HDAC9: variants seen among roughly 807,000 people sequenced by gnomAD.
HDAC9 encodes MEF-2 interacting transcription repressor (MITR) protein.
HDAC9 carries 41 observed loss-of-function variants against 139.4 expected under a neutral mutation model. That is an observed-to-expected ratio of 0.29 (90% CI 0.23 to 0.38). The LOEUF (loss-of-function observed/expected upper bound fraction) is 0.38, where lower values mean the gene tolerates loss of function less well. HDAC9 is among the 10% of genes least tolerant of loss of function. HDAC9 has a pLI of 1.00. For synonymous variants in HDAC9, 517 were observed against 476.2 expected, an observed-to-expected ratio of 1.09 and a Z score of -1.12; for missense variants, 1,147 against 1,297.0, an observed-to-expected ratio of 0.88 and a Z score of 1.78.
chr7:18,375,675 A>C (rs1784943378), intron 1 of HDAC9, among the ~76,000 whole-genome samples: 1 of 152,234 alleles, frequency 6.6e-6, no homozygotes, highest in South Asian at 2.1e-4. Flanking sequence ...GTAAGCCTAA[A>C]GCCCCAGTGT....
chr7:18,751,636 T>C (rs1788456856), intron 14 of HDAC9, among the ~76,000 whole-genome samples: 1 of 152,092 alleles, frequency 6.6e-6, no homozygotes, highest in African/African-American at 2.4e-5. Flanking sequence ...TAAAAATTAA[T>C]TCACTTTTAA....
rs545718636 is a variant in HDAC9 at position 18,654,019 on chromosome 7, G to A, written c.1467+5336G>A. On this transcript the variant is annotated intron_variant, in intron 11 of 25. Transcript: ENST00000686413. ...GTGTTAATGTGTTGCCTTGTGAAGT[G>A]TCCCTGAAGGCAGTTATAATGTAGA... Among the ~76,000 whole-genome samples, 3 of 152,186 alleles carry A rather than the reference G, an allele frequency of 2.0e-5. No homozygotes were observed. The East Asian group carries it at 5.8e-4, about 29-fold the overall frequency.
At chr7:18,346,845 G>T (rs1156615389) in intron 1 of HDAC9, among the ~76,000 whole-genome samples, 4 of 152,138 alleles carry the variant, frequency 2.6e-5, no homozygotes, top group Non-Finnish European at 5.9e-5. Flanking sequence ...GGAGCCAGAA[G>T]CTGAGAGTGC....
intron 1 of HDAC9, among the ~76,000 whole-genome samples, chr7:18,366,800 A>G (rs567011560): frequency 3.3e-5 from 5 of 152,208 alleles, no homozygotes; most frequent in African/African-American, 1.2e-4. Context: ...TCAGCTTGAA[A>G]TTCAAATGTA....
chr7:18,142,364 C>G (rs541552437), intron 1 of HDAC9, among the ~76,000 whole-genome samples: 1 of 152,326 alleles, frequency 6.6e-6, no homozygotes, highest in Non-Finnish European at 1.5e-5. Context: ...ACTTCTCCTG[C>G]TCATCCTTCT....
chr7:18,318,910 G>A (rs1379210090), intron 1 of HDAC9, among the ~76,000 whole-genome samples: 2 of 152,008 alleles, frequency 1.3e-5, no homozygotes, highest in African/African-American at 4.8e-5. Flanking sequence ...TCAAAGTCTC[G>A]CCCTGGGATC....
intron 1 of HDAC9, among the ~76,000 whole-genome samples, chr7:18,315,831 A>G (rs1799600918): frequency 6.6e-6 from 1 of 152,224 alleles, no homozygotes; most frequent in Non-Finnish European, 1.5e-5. Context: ...ACAGATCACA[A>G]GAGAGCCAGT....
intron 1 of HDAC9, among the ~76,000 whole-genome samples, chr7:18,406,388 C>CT (rs112277339): frequency 0.024 from 3,550 of 150,850 alleles, 145 homozygotes; most frequent in African/African-American, 0.081. Context: ...CTTTTTCTTT[C>CT]TTTTTTTTTA....
At chr7:18,667,471 G>A (rs1584792670) in intron 12 of HDAC9, 1 of 984,438 alleles carries the variant, frequency 1.0e-6, no homozygotes, top group Non-Finnish European at 1.2e-6. Flanking sequence ...AGAAAAGATA[G>A]GTTTAACAAA....
At chr7:18,752,270 C>T (rs944389238) in intron 14 of HDAC9, among the ~76,000 whole-genome samples, 4 of 152,016 alleles carry the variant, frequency 2.6e-5, no homozygotes, top group African/African-American at 4.8e-5. Flanking sequence ...TAGTTGAAAG[C>T]GCAAGAAGGG....
At chr7:18,866,746 C>T in intron 21 of HDAC9, among the ~76,000 whole-genome samples, 1 of 152,154 alleles carries the variant, frequency 6.6e-6, no homozygotes, top group East Asian at 1.9e-4. Context: ...AGCCAAAGTT[C>T]TGGTCCTATG....
intron 21 of HDAC9, among the ~76,000 whole-genome samples, chr7:18,864,818 A>G (rs1258765485): frequency 6.6e-6 from 1 of 151,670 alleles, no homozygotes; most frequent in African/African-American, 2.4e-5. Context: ...AAAGTTCTGG[A>G]GTTGGAACGG....
chr7:18,493,425 A>G (rs1158428054), upstream of HDAC9, among the ~76,000 whole-genome samples: 8 of 151,970 alleles, frequency 5.3e-5, no homozygotes, highest in Non-Finnish European at 1.0e-4. Flanking sequence ...GTGAGACTGG[A>G]TAATATAAAT....
intron 1 of HDAC9, chr7:18,087,345 A>G (rs1216747290): frequency 6.6e-6 from 1 of 151,780 alleles, no homozygotes; most frequent in African/African-American, 2.4e-5. Flanking sequence ...CTCAGTCCGG[A>G]CTCTGATGCC....
upstream of HDAC9, among the ~76,000 whole-genome samples, chr7:18,492,884 T>C (rs111396687): frequency 8.3e-3 from 1,268 of 152,078 alleles, 19 homozygotes; most frequent in African/African-American, 0.029. Context: ...GAGAAACAAG[T>C]GGGGTTTTTT....
At chr7:18,876,921 C>A (rs1297404157) in intron 22 of HDAC9, among the ~76,000 whole-genome samples, 11 of 151,890 alleles carry the variant, frequency 7.2e-5, no homozygotes. Flanking sequence ...AGGCTGGTCT[C>A]GAACTCCTGA....
chr7:18,403,110 ATCTT>A (rs1418382962), intron 1 of HDAC9, among the ~76,000 whole-genome samples: 1 of 152,210 alleles, frequency 6.6e-6, no homozygotes, highest in East Asian at 1.9e-4. Flanking sequence ...GATATAAAAT[ATCTT>A]TATTTACAGA....
At chr7:18,705,359 A>T (rs185180575) in intron 12 of HDAC9, among the ~76,000 whole-genome samples, 4 of 152,212 alleles carry the variant, frequency 2.6e-5, no homozygotes. Flanking sequence ...ATAATGAGAA[A>T]TGTCTCTAGA....
intron 12 of HDAC9, among the ~76,000 whole-genome samples, 158 bp from the exon 13 acceptor site, chr7:18,727,422 T>C (rs1396907701): frequency 6.6e-6 from 1 of 152,230 alleles, no homozygotes; most frequent in Non-Finnish European, 1.5e-5. Flanking sequence ...GACTGGATCT[T>C]GTTTTTTCTC....
Sources: gnomAD v4.1 joint callset for allele counts (sites outside exome capture counted in the v4.1 genomes callset) on GRCh38, gnomAD v4.1.1 for gene constraint, MANE v1.5 for transcripts, NCBI Gene and HGNC (gene_info 2026-07-23, HGNC 2026-07-21) for gene names.